Variants in SPG11 observed in about 807,000 individuals in gnomAD.
SPG11 encodes spatacsin.
A neutral mutation model predicts 274.0 loss-of-function variants in SPG11; 222 were observed. That is an observed-to-expected ratio of 0.81 (90% CI 0.73 to 0.91). The LOEUF is 0.91. Among genes scored for constraint, SPG11 ranks in the 40% least tolerant of loss-of-function variants. The pLI, the probability that SPG11 is intolerant of heterozygous loss-of-function variation, is 0.00. For synonymous variants in SPG11, 1,144 were observed against 1,039.7 expected (o/e 1.10, Z -1.93); for missense variants, 3,114 against 2,872.7 (o/e 1.08, Z -1.92).
Position 44,651,568 on chromosome 15 carries a change from A to C in SPG11, c.1379T>G (p.Met460Arg). 6.2e-7 allele frequency: 1 copy of C among 1,614,220 alleles called. No individual in the cohort carries two copies. Residue 460 changes from methionine to arginine, a missense_variant, in exon 6 of 40, where the codon ATG (methionine) becomes AGG (arginine). Coordinates refer to ENST00000261866, the MANE Select transcript of SPG11 (RefSeq NM_025137.4). ...ITLWDLETQG[M>R]QCFSLGTKCI... Reference sequence around the variant, plus strand: ...CTTTGTGCCAAGGGAAAAACACTGCATGCCCTGGGTCTCCAAATCCCAGAG... The same window carrying C: ...CTTTGTGCCAAGGGAAAAACACTGCCTGCCCTGGGTCTCCAAATCCCAGAG...
At chr15:44,573,497 A>G (rs1220157240) in intron 32 of SPG11, 50 bp downstream of exon 32, 1 of 1,593,614 alleles carries the variant, frequency 6.3e-7, no homozygotes, top group African/African-American at 1.3e-5. Flanking sequence ...TAACACTGGG[A>G]ACTAGAGAAT....
Position 44,621,284 on chromosome 15 carries a change from T to C in SPG11, c.2620+475A>G, listed in dbSNP as rs80235715. The C allele has an allele frequency of 3.7e-3, 583 of 156,126 alleles. 4 individuals carry two copies. The highest frequency in any genetic ancestry group is 0.014 in the South Asian group (70 of 5,122). The allele number at this position is 156,126 out of a possible 1,614,324, so 9.7% of individuals were successfully genotyped here. On this transcript the variant is annotated intron_variant, in intron 14 of 39. Coordinates refer to ENST00000261866, the MANE Select transcript of SPG11 (RefSeq NM_025137.4). ...TTTTTCCCTTCTCTTTCCCTTAATGTAAATAAAAACTTTGTTTCAGATGGG... is the reference window on the plus strand; with the variant it reads ...TTTTTCCCTTCTCTTTCCCTTAATGCAAATAAAAACTTTGTTTCAGATGGG...
At chr15:44,596,437 CA>C in intron 24 of SPG11, 82 bp from the exon 25 acceptor site, 1 of 1,479,340 alleles carries the variant, frequency 6.8e-7, no homozygotes, top group Non-Finnish European at 9.3e-7. Context: ...AAAGCATAGA[CA>C]AAATTATGCT....
At chr15:44,583,056 A>C (rs1202655745) in intron 30 of SPG11, among the ~76,000 whole-genome samples, 4 of 151,636 alleles carry the variant, frequency 2.6e-5, no homozygotes, top group African/African-American at 9.8e-5. Flanking sequence ...AAAGGCATAC[A>C]GATTGGAAAG....
chr15:44,616,155 G>A (rs2083588713), intron 15 of SPG11, among the ~76,000 whole-genome samples: 1 of 151,026 alleles, frequency 6.6e-6, no homozygotes, highest in African/African-American at 2.4e-5. Context: ...CATGCCCTTT[G>A]CTACCTCCAG....
rs1383997966 is a variant in SPG11 at position 44,565,994 on chromosome 15, G to T, written c.6859C>A (p.Gln2287Lys). 6 of 1,613,790 alleles carry T rather than the reference G, an allele frequency of 3.7e-6. No individual in the cohort carries two copies. Among genetic ancestry groups the T allele is most frequent in the Non-Finnish European group, 5.1e-6 (6 of 1,180,028 alleles). ...ESYAKDSCVR[Q>K]AQHCQRLTKL... ...GTGAGCCGCTGACAGTGCTGGGCCT[G>T]TCGCACACAGGAGTCCTGAGGAACA... is the stretch of plus-strand genomic sequence containing the variant. The change falls in exon 38 of 40, where the codon CAG becomes AAG. Residue 2287 changes from glutamine to lysine, a missense_variant. By Grantham distance (53) the Gln-to-Lys change is moderately conservative. Coordinates refer to ENST00000261866, the MANE Select transcript of SPG11 (RefSeq NM_025137.4).
intron 33 of SPG11, among the ~76,000 whole-genome samples, chr15:44,571,363 C>G (rs1192364991): frequency 6.6e-6 from 1 of 152,160 alleles, no homozygotes; most frequent in Non-Finnish European, 1.5e-5. Flanking sequence ...AGACCCTAGT[C>G]TGAGCTCCAG....
intron 5 of SPG11, 45 bp downstream of exon 5, chr15:44,652,084 T>TA (rs775924865): frequency 6.2e-7 from 1 of 1,611,558 alleles, no homozygotes; most frequent in East Asian, 2.2e-5. Flanking sequence ...GTCAGCATGA[T>TA]AAAAAATAAG....
At chr15:44,607,567 C>T (rs1226766133) in intron 19 of SPG11, among the ~76,000 whole-genome samples, 1 of 152,128 alleles carries the variant, frequency 6.6e-6, no homozygotes, top group Non-Finnish European at 1.5e-5. Flanking sequence ...CTGCACCCGG[C>T]TCCTTTATAG....
intron 25 of SPG11, 46 bp from the exon 26 acceptor site, chr15:44,595,505 C>G (rs757356923): frequency 1.3e-6 from 2 of 1,552,962 alleles, no homozygotes; most frequent in Admixed American, 1.7e-5. Context: ...GATTACCTGG[C>G]AAATGTACAA....
intron 11 of SPG11, among the ~76,000 whole-genome samples, chr15:44,623,906 A>G (rs1234095522): frequency 2.0e-5 from 3 of 152,012 alleles, no homozygotes; most frequent in African/African-American, 7.2e-5. Flanking sequence ...GATTACAGGC[A>G]TGCATCACCC....
At position 44,615,475 on chromosome 15, in the gene SPG11, G is replaced by C. The variant is rs1473088901; in HGVS notation, c.2926C>G (p.Pro976Ala). 1 of 1,613,902 alleles carries C rather than the reference G, an allele frequency of 6.2e-7. No individual in the cohort carries two copies. Among genetic ancestry groups the C allele is most frequent in the East Asian group, 2.2e-5 (1 of 44,874 alleles). ...TCTTTGGTCTTGTAGTTTTGAACAG[G>C]GAGGGTATCCTGTATTACACCTCCA... ...RIGGVIQDTL[P>A]VQNYKTKEGW... The change falls in exon 16 of 40, where the codon CCT becomes GCT. Residue 976 changes from proline to alanine, a missense_variant. Transcript: ENST00000261866.
rs1203372822 is a variant in SPG11, at chr15:44,631,694, T to C, written c.1735+1811A>G. Among the ~76,000 whole-genome samples, 4 of 150,302 alleles carry C rather than the reference T, an allele frequency of 2.7e-5. No homozygotes were observed. The East Asian group carries it at 5.8e-4, about 22-fold the overall frequency. ...TTTTTTTTCAATTAAAAATAGAGGCTGAGTCTCACTATGTTGCCCAGGCTG... is the reference window on the plus strand; with the variant it reads ...TTTTTTTTCAATTAAAAATAGAGGCCGAGTCTCACTATGTTGCCCAGGCTG... On this transcript the variant is annotated intron_variant, in intron 8 of 39. Transcript: ENST00000261866.
At chr15:44,633,965 A>G (rs770253310) in intron 7 of SPG11, among the ~76,000 whole-genome samples, 1 of 152,006 alleles carries the variant, frequency 6.6e-6, no homozygotes. Flanking sequence ...CAGCCTCCCA[A>G]GTAGTTCGGA....
intron 11 of SPG11, among the ~76,000 whole-genome samples, chr15:44,625,972 G>A (rs549551840): frequency 6.6e-6 from 1 of 152,018 alleles, no homozygotes; most frequent in Non-Finnish European, 1.5e-5. Context: ...GAGCCACCAC[G>A]CCCGGCTCAG....
chr15:44,653,402 T>C (rs1348768876), intron 4 of SPG11, among the ~76,000 whole-genome samples: 1 of 152,080 alleles, frequency 6.6e-6, no homozygotes, highest in Non-Finnish European at 1.5e-5. Flanking sequence ...AGGGCGAAAA[T>C]GAGAAGATGC....
intron 12 of SPG11, 101 bp downstream of exon 12, chr15:44,622,627 A>G: frequency 1.0e-6 from 1 of 1,002,460 alleles, no homozygotes; most frequent in Non-Finnish European, 1.6e-6. Flanking sequence ...ATATTAGTTG[A>G]ACATTAAAAT....
At chr15:44,638,499 AACCC>A (rs1463778803) in intron 7 of SPG11, among the ~76,000 whole-genome samples, 1 of 121,176 alleles carries the variant, frequency 8.3e-6, no homozygotes, top group African/African-American at 3.0e-5. Context: ...AAAACCACAA[AACCC>A]CCCCCCCCAA....
At chr15:44,610,486 G>A (rs997282910) in intron 18 of SPG11, among the ~76,000 whole-genome samples, 19 of 152,088 alleles carry the variant, frequency 1.2e-4, no homozygotes, top group Non-Finnish European at 1.9e-4. Flanking sequence ...AGGTTCAAGT[G>A]ATTCTCATGC....
Sources: allele counts gnomAD v4.1 joint callset (sites outside exome capture counted in the v4.1 genomes callset), GRCh38; gene constraint gnomAD v4.1.1; transcripts MANE v1.5; gene names NCBI Gene and HGNC (gene_info 2026-07-23, HGNC 2026-07-21).